The following ATAD1 variants were observed in gnomAD, a reference collection of about 807,000 sequenced individuals.
ATAD1 encodes the protein ATPase family AAA domain containing 1.
In ATAD1, 18 loss-of-function variants were observed where a neutral mutation model predicts 42.7. The ratio of observed to expected loss-of-function variants is 0.42; its 90% CI spans 0.29 to 0.63. ATAD1 has a LOEUF of 0.63. ATAD1 is among the 20% of genes least tolerant of loss of function. ATAD1 has a pLI of 0.19. For synonymous variants in ATAD1, 132 were observed against 143.1 expected (o/e 0.92, Z 0.55); for missense variants, 294 against 440.4 (o/e 0.67, Z 2.98).
At chr10:87,793,995 T>C (rs1856256467) in intron 2 of ATAD1, among the ~76,000 whole-genome samples, 1 of 151,258 alleles carries the variant, frequency 6.6e-6, no homozygotes. Context: ...AAGGCTGAGT[T>C]GGGAGGATTG....
At chr10:87,829,234 ATTATTTATTTAT>A (rs71022510) in intron 1 of ATAD1, among the ~76,000 whole-genome samples, 28 of 142,966 alleles carry the variant, frequency 2.0e-4, no homozygotes, top group South Asian at 6.8e-4. Flanking sequence ...TATTTTATTT[ATTATTTATTTAT>A]TTATTTATTT....
In ATAD1 at chr10:87,818,210, A is replaced by C. The variant is rs1430900231; in HGVS notation, c.-57T>G. On this transcript the variant is annotated 5_prime_UTR_variant, in exon 1 of 10. Transcript: ENST00000680024. ...AGAGCAAGTGCCCTCAGCCGGCCTC[A>C]CACAGGAAGGAAACGCAACCTGGGA... 3.0e-6 allele frequency: 3 copies of C among 985,478 alleles called. No individual in the cohort carries two copies. Among genetic ancestry groups the C allele is most frequent in the East Asian group, 1.1e-4 (1 of 8,828 alleles). 61.0% of individuals were successfully genotyped at this position (985,478 alleles called of 1,614,324 possible).
chr10:87,760,095 T>G (rs1257565959), intron 8 of ATAD1, among the ~76,000 whole-genome samples: 2 of 152,224 alleles, frequency 1.3e-5, no homozygotes, highest in East Asian at 3.8e-4. Context: ...CCACCATTAA[T>G]AGTATACTTG....
Position 87,776,344 on chromosome 10 carries a change from A to G in ATAD1, c.667T>C (p.Leu223=), listed in dbSNP as rs768859609. ...ACCTGGCAGCTGTGATCAGTATCCA[A>G]TCCATCCCAGAGACTCATAAACTGA... ...KAQFMSLWDG[L]DTDHSCQVIV... The change falls in exon 6 of 10, where the codon TTG becomes CTG. Residue 223 remains leucine (L), a synonymous_variant. Coordinates refer to ENST00000680024, the MANE Select transcript of ATAD1 (RefSeq NM_001321967.2). The G allele has an allele frequency of 1.1e-5, 17 of 1,613,560 alleles. No individual in the cohort carries two copies. Among genetic ancestry groups the G allele is most frequent in the South Asian group, 9.9e-5 (9 of 91,076 alleles).
chr10:87,824,526 T>C (rs183604387), intron 1 of ATAD1, among the ~76,000 whole-genome samples: 15 of 152,336 alleles, frequency 9.8e-5, no homozygotes, highest in Non-Finnish European at 2.1e-4. Flanking sequence ...GGACTTGCAC[T>C]AAGAATTCAA....
upstream of ATAD1, among the ~76,000 whole-genome samples, chr10:87,821,025 A>G (rs561908966): frequency 2.0e-5 from 3 of 152,168 alleles, no homozygotes; most frequent in Non-Finnish European, 4.4e-5. Flanking sequence ...TAGAATCAAG[A>G]TATTAAAAAG....
chr10:87,796,682 T>C (rs1245967725), intron 2 of ATAD1, among the ~76,000 whole-genome samples: 2 of 152,196 alleles, frequency 1.3e-5, no homozygotes, highest in African/African-American at 2.4e-5. Flanking sequence ...CTGTCTCAGA[T>C]ATGTGGGGTT....
intron 5 of ATAD1, 66 bp from the exon 6 acceptor site, chr10:87,776,493 G>GA: frequency 7.6e-7 from 1 of 1,323,806 alleles, no homozygotes; most frequent in Non-Finnish European, 1.1e-6. Flanking sequence ...TTTTGAGACA[G>GA]GGTCTCACTC....
chr10:87,782,322 AC>A (rs1411154411), intron 5 of ATAD1, among the ~76,000 whole-genome samples: 6 of 152,196 alleles, frequency 3.9e-5, no homozygotes, highest in Non-Finnish European at 8.8e-5. Flanking sequence ...TCTTTGTACA[AC>A]CTTTGCTGAA....
intron 2 of ATAD1, among the ~76,000 whole-genome samples, chr10:87,812,330 G>A (rs1445422153): frequency 6.6e-6 from 1 of 152,148 alleles, no homozygotes; most frequent in Non-Finnish European, 1.5e-5. Flanking sequence ...AGGCTGGAGT[G>A]CAGGGGTGTG....
intron 8 of ATAD1, chr10:87,759,843 T>C (rs769551684): frequency 1.8e-5 from 8 of 435,666 alleles, no homozygotes; most frequent in Non-Finnish European, 3.7e-5. Flanking sequence ...AATAAAACAA[T>C]GTATAGCTCA....
At chr10:87,760,321 C>G (rs931561026) in intron 8 of ATAD1, among the ~76,000 whole-genome samples, 1 of 152,028 alleles carries the variant, frequency 6.6e-6, no homozygotes, top group Non-Finnish European at 1.5e-5. Context: ...TGAGTGAGTT[C>G]TCTCAAGATC....
intron 5 of ATAD1, 82 bp downstream of exon 5, chr10:87,784,388 T>C: frequency 1.5e-6 from 2 of 1,315,086 alleles, no homozygotes; most frequent in South Asian, 1.3e-5. Context: ...CATGGCCTAA[T>C]AAATGTTAAA....
intron 2 of ATAD1, among the ~76,000 whole-genome samples, chr10:87,811,951 G>A (rs1165823546): frequency 1.3e-5 from 2 of 152,116 alleles, no homozygotes; most frequent in Admixed American, 1.3e-4. Context: ...AGTCTTTGAG[G>A]TATCCAGACA....
At chr10:87,814,331 G>T in intron 2 of ATAD1, 107 bp downstream of exon 2, 1 of 1,002,794 alleles carries the variant, frequency 1.0e-6, no homozygotes, top group Non-Finnish European at 1.4e-6. Flanking sequence ...TTTCATGTGG[G>T]TCTTATAGAA....
intron 7 of ATAD1, among the ~76,000 whole-genome samples, chr10:87,768,193 T>C (rs1210996230): frequency 1.3e-5 from 2 of 152,216 alleles, no homozygotes; most frequent in Non-Finnish European, 2.9e-5. Flanking sequence ...AATTTAGTGC[T>C]GATGATATAT....
At chr10:87,758,406 C>A (rs183115050) in intron 8 of ATAD1, among the ~76,000 whole-genome samples, 66 of 151,562 alleles carry the variant, frequency 4.4e-4, no homozygotes, top group Non-Finnish European at 7.1e-4. Context: ...AGGGTTGGGA[C>A]AAATAAGCAA....
intron 5 of ATAD1, among the ~76,000 whole-genome samples, chr10:87,779,419 T>C (rs1005097699): frequency 6.6e-6 from 1 of 152,174 alleles, no homozygotes; most frequent in Non-Finnish European, 1.5e-5. Flanking sequence ...TGCAAACACA[T>C]ACCTGGTAAA....
At chr10:87,825,313 T>TA (rs925782712) in intron 1 of ATAD1, among the ~76,000 whole-genome samples, 16 of 149,948 alleles carry the variant, frequency 1.1e-4, no homozygotes, top group Non-Finnish European at 1.2e-4. Context: ...TTAACCTTTT[T>TA]TTTTTTTTTT....
Sources: allele counts gnomAD v4.1 joint callset (sites outside exome capture counted in the v4.1 genomes callset), GRCh38; gene constraint gnomAD v4.1.1; transcripts MANE v1.5; gene names NCBI Gene and HGNC (gene_info 2026-07-23, HGNC 2026-07-21).